Variants in KANSL1 observed in about 807,000 individuals in gnomAD.
KANSL1 encodes the protein MLL1/MLL complex subunit KANSL1.
KANSL1 carries 22 observed loss-of-function variants against 103.6 expected under a neutral mutation model. The ratio of observed to expected loss-of-function variants is 0.21; its 90% CI spans 0.15 to 0.30. The LOEUF (loss-of-function observed/expected upper bound fraction) is 0.30, where lower values mean the gene tolerates loss of function less well. KANSL1 is among the 10% of genes least tolerant of loss of function. KANSL1 has a pLI of 1.00. For synonymous variants in KANSL1, 600 were observed against 527.6 expected (o/e 1.14, Z -1.88); for missense variants, 1,337 against 1,399.8 (o/e 0.96, Z 0.72).
chr17:46,077,716 CTTGGATAATTTTTGTATTTTTAGTAGAG>C (rs1432507130), intron 4 of KANSL1, among the ~76,000 whole-genome samples: 9 of 152,088 alleles, frequency 5.9e-5, no homozygotes, highest in African/African-American at 2.2e-4. Context: ...TGCCACCACG[CTTGGATAATTTTTGTATTTTTAGTAGAG>C]ATAGGGTTTC....
At chr17:46,124,667 G>A (rs1454923417) in intron 2 of KANSL1, among the ~76,000 whole-genome samples, 1 of 152,188 alleles carries the variant, frequency 6.6e-6, no homozygotes, top group African/African-American at 2.4e-5. Flanking sequence ...CATGATTCAT[G>A]GGAGGAGTTC....
chr17:46,073,114 A>T (rs974291), intron 4 of KANSL1, among the ~76,000 whole-genome samples: 21,802 of 152,254 alleles, frequency 0.14, 2,132 homozygotes, highest in Non-Finnish European at 0.22. Flanking sequence ...CTGTCCCTAG[A>T]GACTGCAAAA....
At position 46,067,490 on chromosome 17, in the gene KANSL1, A is replaced by C. The variant is rs3213643; in HGVS notation, c.1652+59T>G. The C allele has an allele frequency of 3.2e-4, 327 of 1,021,510 alleles. 2 individuals carry two copies. In the East Asian group the frequency reaches 7.0e-3, roughly 22 times the overall value. The allele number at this position is 1,021,510 out of a possible 1,614,324, so 63.3% of individuals were successfully genotyped here. A position where few individuals can be genotyped will look rare whatever the true frequency, so the allele number is the denominator to read the frequency against. ...TCAGTCCTGGCTAAAGAGAACTAAG[A>C]GCTCCAAAACACCTTTACAAGTCTA... On this transcript the variant is annotated intron_variant, in intron 5 of 14. Transcript: ENST00000432791.
At chr17:46,066,118 G>A (rs12150344) in intron 6 of KANSL1, among the ~76,000 whole-genome samples, 21,820 of 152,146 alleles carry the variant, frequency 0.14, 2,133 homozygotes, top group Non-Finnish European at 0.22. Context: ...TTGGCCTCCC[G>A]AAGTGTTGGG....
Position 46,193,404 on chromosome 17 carries a change from C to G in KANSL1, c.-671G>C, listed in dbSNP as rs577280917. 46 of 154,754 alleles carry G rather than the reference C, an allele frequency of 3.0e-4. No individual in the cohort carries two copies. Among genetic ancestry groups the G allele is most frequent in the Admixed American group, 1.2e-3 (18 of 15,302 alleles). The allele number at this position is 154,754 out of a possible 1,614,324, so 9.6% of individuals were successfully genotyped here. ...CGGCCGAGCTCCTTTTCCCTCCCCC[C>G]CTTTAATCTGAAGCGGAGGGAGAAT... On this transcript the variant is annotated 5_prime_UTR_variant, in exon 1 of 15. Transcript: ENST00000432791.
At position 46,170,676 on chromosome 17, in the gene KANSL1, G is replaced by A. The variant is rs2532271; in HGVS notation, c.1289+179C>T. ...ACAACAATACAACCCTACAGCAAAAGTATCTTCCCCTTCTTCACTAGCATG... is the reference window on the plus strand; with the variant it reads ...ACAACAATACAACCCTACAGCAAAAATATCTTCCCCTTCTTCACTAGCATG... On this transcript the variant is annotated intron_variant, in intron 2 of 14. Transcript: ENST00000432791. The A allele has an allele frequency of 0.2, 135,133 of 689,126 alleles. 16,511 individuals are homozygous for A. The highest frequency in any genetic ancestry group is 0.25 in the Non-Finnish European group (108,392 of 425,500). The allele number at this position is 689,126 out of a possible 1,614,324, so 42.7% of individuals were successfully genotyped here. A position where few individuals can be genotyped will look rare whatever the true frequency, so the allele number is the denominator to read the frequency against.
chr17:46,118,445 A>G (rs1168129959), intron 2 of KANSL1, among the ~76,000 whole-genome samples: 1 of 152,234 alleles, frequency 6.6e-6, no homozygotes, highest in African/African-American at 2.4e-5. Flanking sequence ...TTTATCTTCT[A>G]AAGTTATCTC....
rs148199824 is a variant in KANSL1, at chr17:46,046,786, G to A, written c.2020+3747C>T. The stretch of plus-strand genomic sequence containing the variant: ...TGGGAGGCGGAGGTTGCAGTGACCC[G>A]AGATTGCACGACTGCACTCCAGCCT... On this transcript the variant is annotated intron_variant, in intron 7 of 14. Coordinates refer to ENST00000432791, the MANE Select transcript of KANSL1 (RefSeq NM_015443.4). Among the ~76,000 whole-genome samples, 1,426 of 146,468 alleles carry A rather than the reference G, an allele frequency of 9.7e-3. 27 individuals carry two copies. Among genetic ancestry groups the A allele is most frequent in the African/African-American group, 0.031 (1,217 of 39,670 alleles).
chr17:46,161,322 G>A (rs925840265), intron 2 of KANSL1, among the ~76,000 whole-genome samples: 1 of 150,942 alleles, frequency 6.6e-6, no homozygotes, highest in Admixed American at 6.6e-5. Flanking sequence ...TGCAGTCCCA[G>A]CTACTTGGGA....
chr17:46,138,507 A>G (rs2044264351), intron 2 of KANSL1, among the ~76,000 whole-genome samples: 3 of 152,248 alleles, frequency 2.0e-5, no homozygotes, highest in South Asian at 2.1e-4. Flanking sequence ...CAGGGATTTG[A>G]GCACTGTCAG....
At chr17:46,139,296 C>CCAA (rs1555563205) in intron 2 of KANSL1, among the ~76,000 whole-genome samples, 13,439 of 136,778 alleles carry the variant, frequency 0.098, 20 homozygotes, top group Middle Eastern at 0.17. Context: ...TTTCATAGGC[C>CCAA]AAAAAAAAAA....
At chr17:46,181,215 A>G (rs551921881) in intron 1 of KANSL1, among the ~76,000 whole-genome samples, 1 of 152,384 alleles carries the variant, frequency 6.6e-6, no homozygotes, top group South Asian at 2.1e-4. Flanking sequence ...CTTTTCCTTC[A>G]TAATTTCATC....
At chr17:46,114,684 T>C (rs1156916511) in intron 2 of KANSL1, among the ~76,000 whole-genome samples, 1 of 152,244 alleles carries the variant, frequency 6.6e-6, no homozygotes. Context: ...TATTAGGAAA[T>C]GGCAATGGCT....
At chr17:46,075,477 C>T (rs1390509317) in intron 4 of KANSL1, among the ~76,000 whole-genome samples, 2 of 152,144 alleles carry the variant, frequency 1.3e-5, no homozygotes. Context: ...GCTGGGATTA[C>T]AGGCGCACAC....
rs958563180 is a variant in KANSL1 at position 46,039,576 on chromosome 17, C to A, written c.2203+126G>T. 6.8e-6 allele frequency: 7 copies of A among 1,029,152 alleles called. No homozygotes were observed. In the African/African-American group the frequency reaches 1.1e-4, roughly 17 times the overall value. 63.8% of individuals were successfully genotyped at this position (1,029,152 alleles called of 1,614,324 possible). ...GACAAGCAGAAGCAGTCACTGTGAG[C>A]TGAATTTTTTATCGGTCAACTGCCT... is the stretch of plus-strand genomic sequence containing the variant. On this transcript the variant is annotated intron_variant, in intron 8 of 14. Transcript: ENST00000432791.
rs754362361 is a variant in KANSL1, at chr17:46,171,295, C to T, written c.849G>A (p.Arg283=). ...CCTGTCGCCGCAGTAAAGCTGTTAT[C>T]CTTGTGTCAGAATCTAAAGCACTGA... ...ILFSALDSDT[R]ITALLRRQAD... The change falls in exon 2 of 15, where the codon AGG becomes AGA. Residue 283 remains arginine (R), a synonymous_variant. Coordinates refer to ENST00000432791, the MANE Select transcript of KANSL1 (RefSeq NM_015443.4). 8.9e-5 allele frequency: 143 copies of T among 1,614,120 alleles called. No homozygotes were observed. The highest frequency in any genetic ancestry group is 1.6e-4 in the Middle Eastern group (1 of 6,062).
intron 2 of KANSL1, among the ~76,000 whole-genome samples, chr17:46,119,711 A>G (rs961977217): frequency 1.3e-5 from 2 of 152,266 alleles, no homozygotes; most frequent in African/African-American, 4.8e-5. Flanking sequence ...CCTACTGTCA[A>G]TGTTTTCACC....
At chr17:46,092,702 G>GT (rs1182576324) in intron 3 of KANSL1, among the ~76,000 whole-genome samples, 2,666 of 33,196 alleles carry the variant, frequency 0.08, 405 homozygotes, top group East Asian at 0.3. Context: ...CTGTTGGGTT[G>GT]TTTTTTTTTT....
intron 6 of KANSL1, among the ~76,000 whole-genome samples, chr17:46,063,055 AAAAAC>A (rs1315221064): frequency 8.5e-5 from 13 of 152,226 alleles, no homozygotes; most frequent in African/African-American, 2.7e-4. Flanking sequence ...ATCTCAAAGA[AAAAAC>A]AAAACAAAAC....
Sources: allele counts gnomAD v4.1 joint callset (sites outside exome capture counted in the v4.1 genomes callset), GRCh38; gene constraint gnomAD v4.1.1; transcripts MANE v1.5; gene names NCBI Gene and HGNC (gene_info 2026-07-23, HGNC 2026-07-21).